Variants in PCDHGB1 observed in about 807,000 individuals in gnomAD.
PCDHGB1 encodes the protein protocadherin gamma subfamily B, 1.
A neutral mutation model predicts 56.6 loss-of-function variants in PCDHGB1; 34 were observed. The observed-to-expected ratio is 0.60, with a 90% CI of 0.46 to 0.80. The LOEUF (loss-of-function observed/expected upper bound fraction) is 0.80, where lower values mean the gene tolerates loss of function less well. Among genes scored for constraint, PCDHGB1 ranks in the 30% least tolerant of loss-of-function variants. The pLI is 0.00. For missense variants in PCDHGB1, 1,278 were observed against 1,204.6 expected (o/e 1.06, Z -0.90); for synonymous variants, 561 against 505.9 (o/e 1.11, Z -1.46).
chr5:141,420,422 A>C, intron 1 of PCDHGB1: 1 of 1,196,438 alleles, frequency 8.4e-7, no homozygotes, highest in Non-Finnish European at 1.1e-6. Context: ...TATTAAAACA[A>C]AAGTTTAAAT....
chr5:141,366,196 C>T, intron 1 of PCDHGB1: 5 of 1,613,898 alleles, frequency 3.1e-6, no homozygotes, highest in Non-Finnish European at 4.2e-6. Context: ...TTGGGCTGCA[C>T]ACGGGCGAGG....
At chr5:141,410,191 C>T in intron 1 of PCDHGB1, 1 of 1,613,994 alleles carries the variant, frequency 6.2e-7, no homozygotes, top group Non-Finnish European at 8.5e-7. Context: ...TTCATCTGGT[C>T]TTCGCAGACA....
chr5:141,404,157 A>G (rs746450194), intron 1 of PCDHGB1: 12 of 1,613,094 alleles, frequency 7.4e-6, no homozygotes, highest in Non-Finnish European at 5.9e-6. Flanking sequence ...GAAGATTATT[A>G]CAGATTGTTG....
intron 1 of PCDHGB1, chr5:141,364,455 G>C (rs753233498): frequency 1.9e-6 from 3 of 1,614,000 alleles, no homozygotes; most frequent in South Asian, 1.1e-5. Flanking sequence ...CTGGACAAAG[G>C]CTCCTTCGTC....
In PCDHGB1 at chr5:141,487,494, C is replaced by T. The variant is rs116370895; in HGVS notation, c.2410-7313C>T. 12 of 1,614,120 alleles carry T rather than the reference C, an allele frequency of 7.4e-6. No individual in the cohort carries two copies. The East Asian group carries it at 1.1e-4, about 15-fold the overall frequency. On this transcript the variant is annotated intron_variant, in intron 1 of 3. Transcript: ENST00000523390. The surrounding 1 kb of genome is among the most constrained non-coding windows in gnomAD (Gnocchi z 5.0). Reference sequence around the variant, plus strand: ...GGAGGCCACTCTCATGGCTGTACACCCTTGGCTTCTGCACCCACTCGGAGT... The same window carrying T: ...GGAGGCCACTCTCATGGCTGTACACTCTTGGCTTCTGCACCCACTCGGAGT...
chr5:141,474,710 A>T (rs535069070), intron 1 of PCDHGB1, among the ~76,000 whole-genome samples: 31 of 152,330 alleles, frequency 2.0e-4, no homozygotes, highest in African/African-American at 6.3e-4. Context: ...GTTCTATTAT[A>T]CTTCAAAAGG....
intron 1 of PCDHGB1, 72 bp from the exon 2 acceptor site, chr5:141,494,735 A>C: frequency 6.2e-7 from 1 of 1,610,712 alleles, no homozygotes; most frequent in Middle Eastern, 1.7e-4. Context: ...CTCCCGGCCC[A>C]TCCCTAGGGG....
chr5:141,364,635 G>T, intron 1 of PCDHGB1: 1 of 1,614,158 alleles, frequency 6.2e-7, no homozygotes, highest in South Asian at 1.1e-5. Context: ...AGCCCACTGT[G>T]TGTGGTGAAC....
chr5:141,417,709 C>T lies in PCDHGB1; in HGVS notation c.2409+65040C>T, dbSNP rs533902963. 1.5e-5 allele frequency: 18 copies of T among 1,238,872 alleles called. No individual in the cohort carries two copies. The East Asian group carries it at 1.8e-4, about 12-fold the overall frequency. 76.7% of individuals were successfully genotyped at this position (1,238,872 alleles called of 1,614,324 possible). ...AAGAAAACCAGCTCCCACACAGAGG[C>T]TCCCGGCTGCGCAGACCTTGCCCAG... On this transcript the variant is annotated intron_variant, in intron 1 of 3. Coordinates refer to ENST00000523390, the MANE Select transcript of PCDHGB1 (RefSeq NM_018922.3).
chr5:141,505,596 T>G (rs2099846990), intron 3 of PCDHGB1, 115 bp downstream of exon 3: 1 of 1,562,168 alleles, frequency 6.4e-7, no homozygotes, highest in African/African-American at 1.4e-5. Context: ...CTCCAGATCT[T>G]TCGGCAGGTC....
chr5:141,412,041 T>G (rs2095531468), intron 1 of PCDHGB1: 1 of 152,108 alleles, frequency 6.6e-6, no homozygotes, highest in Non-Finnish European at 1.5e-5. Context: ...GTGAAAGAAG[T>G]GAACTTCTAT....
Position 141,489,068 on chromosome 5 carries a change from G to GGCC in PCDHGB1, c.2410-5739_2410-5738insGCC. The GGCC allele has an allele frequency of 3.4e-6, 1 of 291,556 alleles. No individual in the cohort carries two copies. The allele number at this position is 291,556 out of a possible 1,614,324, so 18.1% of individuals were successfully genotyped here. A position where few individuals can be genotyped will look rare whatever the true frequency, so the allele number is the denominator to read the frequency against. ...CTCAAATTCAGCTCCCCTCCCCCCT[G>GGCC]CCCACCCCCGCCACTCGGTGACTAA... On this transcript the variant is annotated intron_variant, in intron 1 of 3. Coordinates refer to ENST00000523390, the MANE Select transcript of PCDHGB1 (RefSeq NM_018922.3). The surrounding 1 kb of genome is among the most constrained non-coding windows in gnomAD (Gnocchi z 4.5).
intron 1 of PCDHGB1, among the ~76,000 whole-genome samples, chr5:141,363,702 G>T (rs185509758): frequency 3.9e-5 from 6 of 152,286 alleles, no homozygotes; most frequent in African/African-American, 1.4e-4. Context: ...AAATCAGTAG[G>T]CCTGTTTGGA....
chr5:141,430,383 G>GAAA (rs139772145), intron 1 of PCDHGB1, among the ~76,000 whole-genome samples: 2 of 138,566 alleles, frequency 1.4e-5, no homozygotes, highest in South Asian at 4.6e-4. Flanking sequence ...AGCTCATTGG[G>GAAA]AAAAAAAAAA....
intron 1 of PCDHGB1, chr5:141,428,067 G>A (rs753358896): frequency 6.2e-7 from 1 of 1,609,228 alleles, no homozygotes; most frequent in South Asian, 1.1e-5. Flanking sequence ...GGTGGACGCA[G>A]ATTCGGGACA....
intron 1 of PCDHGB1, chr5:141,417,885 G>A (rs761442517): frequency 2.6e-6 from 4 of 1,562,806 alleles, no homozygotes; most frequent in Admixed American, 1.9e-5. Flanking sequence ...GCGCAGAGGC[G>A]CCGGGCCGGC....
intron 1 of PCDHGB1, chr5:141,415,066 C>T (rs777981621): frequency 1.4e-5 from 23 of 1,613,410 alleles, no homozygotes; most frequent in Non-Finnish European, 1.9e-5. Flanking sequence ...GGGCGAGGTG[C>T]GCACGGCGCG....
chr5:141,420,438 GC>G, intron 1 of PCDHGB1: 1 of 1,107,996 alleles, frequency 9.0e-7, no homozygotes, highest in Non-Finnish European at 1.2e-6. Flanking sequence ...TAAATTAAAT[GC>G]CTCAGTCTTC....
intron 1 of PCDHGB1, among the ~76,000 whole-genome samples, chr5:141,460,183 CCA>C (rs561755067): frequency 7.2e-5 from 11 of 151,782 alleles, no homozygotes; most frequent in Non-Finnish European, 1.0e-4. Context: ...ATATTTTATC[CCA>C]GACTATGACT....
Sources: gnomAD v4.1 joint callset for allele counts (sites outside exome capture counted in the v4.1 genomes callset) on GRCh38, gnomAD v4.1.1 for gene constraint, Gnocchi (gnomAD v3.1) non-coding constraint, MANE v1.5 for transcripts, NCBI Gene and HGNC (gene_info 2026-07-23, HGNC 2026-07-21) for gene names.